The following GNL2 variants were observed in gnomAD, a reference collection of about 807,000 sequenced individuals.
GNL2 encodes nucleolar GTP-binding protein 2.
GNL2 carries 51 observed loss-of-function variants against 92.3 expected under a neutral mutation model. The ratio of observed to expected loss-of-function variants is 0.55; its 90% confidence interval spans 0.44 to 0.70. The LOEUF is 0.70. GNL2 is among the 30% of genes least tolerant of loss of function. The pLI is 0.00. For synonymous variants in GNL2, 283 were observed against 300.6 expected, an observed-to-expected ratio of 0.94 and a Z score of 0.61; for missense variants, 844 against 895.6, an observed-to-expected ratio of 0.94 and a Z score of 0.74.
Position 37,575,487 on chromosome 1 carries a change from G to C in GNL2, c.1143+108C>G, listed in dbSNP as rs1643663562. On this transcript the variant is annotated intron_variant, in intron 10 of 15. Transcript: ENST00000373062. This position sits in a 1 kb window ranked among gnomAD's most constrained non-coding sequence, Gnocchi z 4.1. ...CATGTTCCTAAAGTTTGGTCAGACAGGCTGACCCCAAACTGCCTTCTTAAT... is the reference window on the plus strand; with the variant it reads ...CATGTTCCTAAAGTTTGGTCAGACACGCTGACCCCAAACTGCCTTCTTAAT... 1.6e-6 allele frequency: 1 copy of C among 615,332 alleles called. No homozygotes were observed. Among genetic ancestry groups the C allele is most frequent in the South Asian group, 2.6e-5 (1 of 38,544 alleles). The allele number at this position is 615,332 out of a possible 1,614,324, so 38.1% of individuals were successfully genotyped here. A position where few individuals can be genotyped will look rare whatever the true frequency, so the allele number is the denominator to read the frequency against.
intron 8 of GNL2, among the ~76,000 whole-genome samples, chr1:37,577,193 G>A (rs570254074): frequency 2.0e-5 from 3 of 151,914 alleles, no homozygotes; most frequent in East Asian, 1.9e-4. Flanking sequence ...AAACATCTTC[G>A]GGAAAAAGAA....
rs576541014 is a variant in GNL2 at position 37,567,465 on chromosome 1, C to T, written c.2043+208G>A. ...AGAGGATAGTCCACTCGTGTGGAGA[C>T]GTTGATTAGAAACTCCTAAAACGTA... On this transcript the variant is annotated intron_variant, in intron 15 of 15. Transcript: ENST00000373062. 1.3e-4 allele frequency among the ~76,000 whole-genome samples: 19 copies of T among 151,912 alleles called. No individual in the cohort carries two copies. The East Asian group carries it at 3.5e-3, about 28-fold the overall frequency.
intron 1 of GNL2, 126 bp downstream of exon 1, chr1:37,595,633 G>T: frequency 2.5e-6 from 2 of 785,758 alleles, no homozygotes; most frequent in South Asian, 1.5e-5. Context: ...ATCCCCAACA[G>T]CCACCCCGCT....
rs552731767 is a variant in GNL2, at chr1:37,582,661, A to G, written c.795+117T>C. On this transcript the variant is annotated intron_variant, in intron 7 of 15. Coordinates refer to ENST00000373062, the MANE Select transcript of GNL2 (RefSeq NM_013285.3). Reference sequence around the variant, plus strand: ...CAATGAGCACACTTTCGTGTTTCCAATGAGAGCACTCCCATTACTACAATC... The same window carrying G: ...CAATGAGCACACTTTCGTGTTTCCAGTGAGAGCACTCCCATTACTACAATC... 2.7e-3 allele frequency: 2,385 copies of G among 893,082 alleles called. 9 individuals are homozygous for G. Among genetic ancestry groups the G allele is most frequent in the Non-Finnish European group, 3.4e-3 (2,021 of 586,578 alleles). 55.3% of individuals were successfully genotyped at this position (893,082 alleles called of 1,614,324 possible). A position where few individuals can be genotyped will look rare whatever the true frequency, so the allele number is the denominator to read the frequency against.
At chr1:37,587,999 A>G (rs1159100122) in intron 4 of GNL2, among the ~76,000 whole-genome samples, 2 of 152,166 alleles carry the variant, frequency 1.3e-5, no homozygotes, top group Non-Finnish European at 2.9e-5. Flanking sequence ...AATTTCTTTC[A>G]TGGCTAAAAG....
At chr1:37,584,144 A>T (rs1158431530) in intron 5 of GNL2, among the ~76,000 whole-genome samples, 1 of 152,218 alleles carries the variant, frequency 6.6e-6, no homozygotes, top group Non-Finnish European at 1.5e-5. Flanking sequence ...GATAGCATTC[A>T]ACTTTAAAAA....
chr1:37,582,109 C>T (rs150530623), intron 8 of GNL2, 114 bp downstream of exon 8: 53 of 642,004 alleles, frequency 8.3e-5, no homozygotes, highest in African/African-American at 5.7e-4. Context: ...TACAGACCTG[C>T]GCAACCACGT....
In GNL2 at chr1:37,574,768, C is replaced by G; in HGVS notation, c.1199G>C (p.Arg400Pro). Residue 400 changes from arginine to proline, a missense_variant, in exon 11 of 16, where the codon CGA becomes CCA. Arg to Pro is a moderately radical substitution (Grantham distance 103, BLOSUM62 -2). Coordinates refer to ENST00000373062, the MANE Select transcript of GNL2 (RefSeq NM_013285.3). ...TTTGCTGATATATTCTGGCTTTGCT[C>G]GTTCAAGTACAGCACCAATGTGGTC... is the stretch of plus-strand genomic sequence containing the variant. ...PEDHIGAVLERAKPEYISKTY... is the reference protein window; with the variant it reads ...PEDHIGAVLEPAKPEYISKTY... The G allele has an allele frequency of 6.2e-7, 1 of 1,613,438 alleles. No homozygotes were observed. Among genetic ancestry groups the G allele is most frequent in the Middle Eastern group, 1.7e-4 (1 of 6,052 alleles).
intron 4 of GNL2, 66 bp downstream of exon 4, chr1:37,590,640 G>T: frequency 7.7e-7 from 1 of 1,292,538 alleles, no homozygotes; most frequent in Non-Finnish European, 1.1e-6. Flanking sequence ...AGACAAATAT[G>T]TTAGAGAGGG....
At chr1:37,587,278 AAC>A in intron 5 of GNL2, 31 bp downstream of exon 5, 2 of 1,504,838 alleles carry the variant, frequency 1.3e-6, no homozygotes, top group African/African-American at 1.4e-5. Context: ...AAAAAAAAAA[AAC>A]AAAAACAAAG....
chr1:37,583,732 G>A (rs1268560560), intron 6 of GNL2, 135 bp downstream of exon 6: 2 of 587,676 alleles, frequency 3.4e-6, no homozygotes, highest in Non-Finnish European at 6.1e-6. Context: ...TTTCTTTGTA[G>A]GAGGAAGAGG....
intron 3 of GNL2, among the ~76,000 whole-genome samples, chr1:37,591,514 T>C (rs1318549654): frequency 6.7e-6 from 1 of 150,248 alleles, no homozygotes; most frequent in African/African-American, 2.4e-5. Context: ...CTTTTTTTTT[T>C]TTTTTTTTTG....
At chr1:37,582,441 T>TTTCAAATATA in intron 7 of GNL2, 105 bp from the exon 8 acceptor site, 1 of 662,912 alleles carries the variant, frequency 1.5e-6, no homozygotes, top group Non-Finnish European at 2.5e-6. Flanking sequence ...TATACTGTTG[T>TTTCAAATATA]CTAAGGAAAA....
chr1:37,569,260 G>C lies in GNL2; in HGVS notation c.1459C>G (p.Gln487Glu). 6.2e-7 allele frequency: 1 copy of C among 1,612,988 alleles called. No homozygotes were observed. The highest frequency in any genetic ancestry group is 8.5e-7 in the Non-Finnish European group (1 of 1,179,946). The change falls in exon 13 of 16, where the codon CAG becomes GAG. Residue 487 changes from glutamine to glutamate, a missense_variant. By Grantham distance (29) the Gln-to-Glu change is conservative. Coordinates refer to ENST00000373062, the MANE Select transcript of GNL2 (RefSeq NM_013285.3). Reference sequence around the variant, plus strand: ...GTGACTTCCTCCCCTGGATTGTTCTGGGCTGCTTCTGGGACAACTTCCAAA... The same window carrying C: ...GTGACTTCCTCCCCTGGATTGTTCTCGGCTGCTTCTGGGACAACTTCCAAA... ...SSLEVVPEAA[Q>E]NNPGEEVTET...
In GNL2 at chr1:37,575,544, A is replaced by T; in HGVS notation, c.1143+51T>A. On this transcript the variant is annotated intron_variant, in intron 10 of 15. Coordinates refer to ENST00000373062, the MANE Select transcript of GNL2 (RefSeq NM_013285.3). The surrounding 1 kb of genome is among the most constrained non-coding windows in gnomAD (Gnocchi z 4.1). ...AAAGGAAAGGTATCCAGGGTTCCCT[A>T]TAGAACACTCCCCCGCAAACACAAA... 8.8e-7 allele frequency: 1 copy of T among 1,141,896 alleles called. No individual in the cohort carries two copies. The highest frequency in any genetic ancestry group is 1.6e-5 in the African/African-American group (1 of 63,020). The allele number at this position is 1,141,896 out of a possible 1,614,324, so 70.7% of individuals were successfully genotyped here.
chr1:37,593,137 T>A (rs1353292979), intron 2 of GNL2, among the ~76,000 whole-genome samples: 1 of 152,210 alleles, frequency 6.6e-6, no homozygotes, highest in African/African-American at 2.4e-5. Context: ...CTGGTTTAAA[T>A]GAATTTTTCA....
rs1462866845 is a variant in GNL2 at position 37,574,653 on chromosome 1, A to C, written c.1302+12T>G. 7.4e-6 allele frequency: 12 copies of C among 1,612,384 alleles called. No individual in the cohort carries two copies. Among genetic ancestry groups the C allele is most frequent in the Non-Finnish European group, 1.0e-5 (12 of 1,178,938 alleles). On this transcript the variant is annotated intron_variant, in intron 11 of 15. Transcript: ENST00000373062. ...CAAGTATCAGTCTAAATTCTCACAA[A>C]CGCCGGGTCACCTTTAGTAACTTCC...
intron 4 of GNL2, among the ~76,000 whole-genome samples, chr1:37,589,137 C>A (rs1318703851): frequency 1.3e-5 from 2 of 152,232 alleles, no homozygotes; most frequent in Admixed American, 1.3e-4. Context: ...GTCTGTGGTT[C>A]ATGAATTACA....
chr1:37,579,895 CAAAA>C (rs34353424), intron 8 of GNL2, among the ~76,000 whole-genome samples: 2 of 73,878 alleles, frequency 2.7e-5, no homozygotes, highest in Non-Finnish European at 2.6e-5. Context: ...GACTCTGCCT[CAAAA>C]AAAAAAAAAA....
Sources: gnomAD v4.1 joint callset for allele counts (sites outside exome capture counted in the v4.1 genomes callset) on GRCh38, gnomAD v4.1.1 for gene constraint, Gnocchi (gnomAD v3.1) non-coding constraint, MANE v1.5 for transcripts, NCBI Gene and HGNC (gene_info 2026-07-23, HGNC 2026-07-21) for gene names.